The following GRB10 variants were observed in gnomAD, a reference collection of about 807,000 sequenced individuals.
The protein encoded by GRB10 is growth factor receptor-bound protein 10.
Under a neutral mutation model 80.9 loss-of-function variants are expected in GRB10, and 20 were observed. The observed-to-expected ratio is 0.25, with a 90% CI of 0.17 to 0.36. The LOEUF (loss-of-function observed/expected upper bound fraction) is 0.36, where lower values mean the gene tolerates loss of function less well. Among genes scored for constraint, GRB10 ranks in the 10% least tolerant of loss-of-function variants. The probability of loss-of-function intolerance (pLI) is 1.00; values close to 1 mark genes in which losing one functional copy is unlikely to be tolerated. For synonymous variants in GRB10, 291 were observed against 291.5 expected (o/e 1.00, Z 0.02); for missense variants, 548 against 747.7 (o/e 0.73, Z 3.12).
At chr7:50,775,184 C>CAGTGGAA (rs1488964104) in intron 2 of GRB10, among the ~76,000 whole-genome samples, 7 of 64,286 alleles carry the variant, frequency 1.1e-4, no homozygotes, top group Non-Finnish European at 2.1e-4. Flanking sequence ...CAAAAAAAAA[C>CAGTGGAA]AGTGGAACAG....
Position 50,591,814 on chromosome 7 carries a change from T to C in GRB10, c.*1138A>G, listed in dbSNP as rs893852988. On this transcript the variant is annotated 3_prime_UTR_variant, in exon 19 of 19. Transcript: ENST00000401949. ...GGACGGAGGGCTGCAAGCAAAGATC[T>C]TTAAATATCAGCCTGTGCCTGTGGC... The C allele has an allele frequency of 7.9e-5, 12 of 152,386 alleles. No homozygotes were observed. The highest frequency in any genetic ancestry group is 2.6e-4 in the African/African-American group (11 of 41,578). The allele number at this position is 152,386 out of a possible 1,614,324, so 9.4% of individuals were successfully genotyped here.
intron 7 of GRB10, among the ~76,000 whole-genome samples, chr7:50,639,589 C>G (rs1367408007): frequency 6.6e-6 from 1 of 151,846 alleles, no homozygotes; most frequent in African/African-American, 2.4e-5. Context: ...GGGAGAATGG[C>G]GTGAACCGGG....
rs1270111784 is a variant in GRB10 at position 50,614,896 on chromosome 7, C to G, written c.985-16G>C. 6.4e-7 allele frequency: 1 copy of G among 1,555,720 alleles called. No individual in the cohort carries two copies. Among genetic ancestry groups the G allele is most frequent in the African/African-American group, 1.4e-5 (1 of 73,790 alleles). On this transcript the variant is annotated splice_polypyrimidine_tract_variant and intron_variant, in intron 11 of 18. Coordinates refer to ENST00000401949, the MANE Select transcript of GRB10 (RefSeq NM_001350814.2). ...GTCTGGGTTCCTGTGACAACACTGG[C>G]CAGGTTAAAGTCTCAAGCACAGCAA... is the stretch of plus-strand genomic sequence containing the variant.
intron 7 of GRB10, 134 bp from the exon 8 acceptor site, chr7:50,627,112 C>A: frequency 1.1e-6 from 1 of 871,578 alleles, no homozygotes; most frequent in Non-Finnish European, 1.9e-6. Flanking sequence ...TCCAGGCAGC[C>A]AACAGGTCCC....
chr7:50,779,841 T>G (rs2078095426), intron 2 of GRB10: 1 of 152,202 alleles, frequency 6.6e-6, no homozygotes, highest in Non-Finnish European at 1.5e-5. Flanking sequence ...ATTTAGAATT[T>G]TCTTCCCTCA....
rs1488072591 is a variant in GRB10, at chr7:50,605,405, C to T, written c.1274G>A (p.Arg425His). Residue 425 changes from arginine to histidine, a missense_variant and splice_region_variant, in exon 15 of 19, where the codon CGC becomes CAC. Physicochemically the swap from Arg to His is conservative, Grantham distance 29. This residue lies in a region of GRB10 where 270 missense variants were observed against 433.6 expected (regional missense o/e 0.62). Coordinates refer to ENST00000401949, the MANE Select transcript of GRB10 (RefSeq NM_001350814.2). ...CACGAGGGAGTTCTCGGAGACACTG[C>T]GCTGAAAAGGAAAGGCCGCAGTTCT... is the stretch of plus-strand genomic sequence containing the variant. ...ALLSPFSTPV[R>H]SVSENSLVAM... is the part of the protein sequence containing the mutation. 5 of 1,612,228 alleles carry T rather than the reference C, an allele frequency of 3.1e-6. No individual in the cohort carries two copies. Among genetic ancestry groups the T allele is most frequent in the African/African-American group, 1.3e-5 (1 of 75,026 alleles).
rs1483148511 is a variant in GRB10, at chr7:50,605,318, G to A, written c.1361C>T (p.Ala454Val). 6.2e-7 allele frequency: 1 copy of A among 1,613,920 alleles called. No homozygotes were observed. The highest frequency in any genetic ancestry group is 1.1e-5 in the South Asian group (1 of 91,080). Residue 454 changes from alanine (A) to valine (V), a missense_variant, in exon 15 of 19, where the codon GCA (alanine) becomes GTA (valine). Around this residue, in one of 4 missense-constraint regions of GRB10, gnomAD observed 270 missense variants for 433.6 expected, o/e 0.62. Coordinates refer to ENST00000401949, the MANE Select transcript of GRB10 (RefSeq NM_001350814.2). ...VIENPAEAQS[A>V]ALEEGHAWRK... ...CCAGGCGTGGCCCTCCTCCAGGGCTGCGCTCTGGGCCTCTGCCGGATTCTC... is the reference window on the plus strand; with the variant it reads ...CCAGGCGTGGCCCTCCTCCAGGGCTACGCTCTGGGCCTCTGCCGGATTCTC...
chr7:50,680,484 A>G (rs754598369), intron 5 of GRB10, among the ~76,000 whole-genome samples: 2 of 152,214 alleles, frequency 1.3e-5, no homozygotes, highest in Admixed American at 6.5e-5. Context: ...TTCATTATGT[A>G]CAGACACATC....
chr7:50,616,405 A>T, intron 10 of GRB10, 58 bp from the exon 11 acceptor site: 1 of 1,489,958 alleles, frequency 6.7e-7, no homozygotes, highest in Non-Finnish European at 9.3e-7. Flanking sequence ...ATTAAAGCAG[A>T]CATGTTATCA....
At chr7:50,635,150 A>AT (rs1346803355) in intron 7 of GRB10, among the ~76,000 whole-genome samples, 1 of 152,246 alleles carries the variant, frequency 6.6e-6, no homozygotes, top group Non-Finnish European at 1.5e-5. Context: ...ATTTCAATAA[A>AT]TTTTTTAAAA....
chr7:50,777,675 T>C (rs1189138549), intron 2 of GRB10, among the ~76,000 whole-genome samples: 5 of 152,006 alleles, frequency 3.3e-5, no homozygotes, highest in Admixed American at 1.3e-4. Flanking sequence ...CAAATGCCCA[T>C]TAATGATAGA....
At chr7:50,671,528 T>C (rs868268670) in intron 6 of GRB10, among the ~76,000 whole-genome samples, 2 of 152,228 alleles carry the variant, frequency 1.3e-5, no homozygotes, top group Admixed American at 6.5e-5. Context: ...TGCTGCGAAA[T>C]ACAGGAAAGC....
At chr7:50,712,696 T>C (rs1159692261) in intron 4 of GRB10, among the ~76,000 whole-genome samples, 1 of 152,238 alleles carries the variant, frequency 6.6e-6, no homozygotes, top group African/African-American at 2.4e-5. Context: ...ATTCTTGAAT[T>C]AAAAGCAAAA....
At chr7:50,672,157 C>T (rs139444893) in intron 6 of GRB10, among the ~76,000 whole-genome samples, 19 of 152,346 alleles carry the variant, frequency 1.2e-4, no homozygotes, top group Middle Eastern at 3.4e-3. Flanking sequence ...CTGCCCATAC[C>T]CTGCCTGCCC....
upstream of GRB10, among the ~76,000 whole-genome samples, chr7:50,787,268 C>CAGGAGGAGGAGGAGG (rs56235564): frequency 2.7e-5 from 4 of 148,690 alleles, no homozygotes; most frequent in East Asian, 2.0e-4. Context: ...CTCTGGAGAG[C>CAGGAGGAGGAGGAGG]AGGAGGAGGA....
chr7:50,732,404 A>G (rs1363949004), intron 3 of GRB10, 36 bp from the exon 4 acceptor site: 11 of 384,536 alleles, frequency 2.9e-5, no homozygotes, highest in Admixed American at 2.5e-4. Context: ...GCCAAGCCAG[A>G]AAAAAAAAAA....
chr7:50,790,878 C>T (rs2078883653), intron 1 of GRB10, among the ~76,000 whole-genome samples: 1 of 152,330 alleles, frequency 6.6e-6, no homozygotes, highest in African/African-American at 2.4e-5. Flanking sequence ...AGCCTGTACC[C>T]GGAAAGATCA....
intron 1 of GRB10, among the ~76,000 whole-genome samples, chr7:50,791,881 C>T (rs530052365): frequency 4.1e-4 from 62 of 150,866 alleles, no homozygotes; most frequent in South Asian, 2.3e-3. Context: ...TTAAAATACT[C>T]TCCTAAAAGA....
chr7:50,725,979 C>A (rs1027440779), intron 4 of GRB10: 1 of 152,196 alleles, frequency 6.6e-6, no homozygotes. Flanking sequence ...CCTGATCTAT[C>A]CCATTACAAG....
Sources: allele counts gnomAD v4.1 joint callset (sites outside exome capture counted in the v4.1 genomes callset), GRCh38; gene constraint gnomAD v4.1.1; regional missense constraint gnomAD v4.1.1; transcripts MANE v1.5; gene names NCBI Gene and HGNC (gene_info 2026-07-23, HGNC 2026-07-21).